PPFIA2: variants seen among roughly 807,000 people sequenced by gnomAD.
PPFIA2 encodes the protein PPFI scaffold protein A2.
A neutral mutation model predicts 175.5 loss-of-function variants in PPFIA2; 46 were observed. The ratio of observed to expected loss-of-function variants is 0.26; its 90% CI spans 0.21 to 0.34. PPFIA2 has a LOEUF of 0.34. Among genes scored for constraint, PPFIA2 ranks in the 10% least tolerant of loss-of-function variants. The pLI is 1.00. For missense variants in PPFIA2, 1,179 were observed against 1,506.1 expected (o/e 0.78, Z 3.60); for synonymous variants, 568 against 511.4 (o/e 1.11, Z -1.49).
At chr12:81,343,630 C>A (rs928056088) in intron 19 of PPFIA2, among the ~76,000 whole-genome samples, 1 of 151,980 alleles carries the variant, frequency 6.6e-6, no homozygotes, top group Admixed American at 6.6e-5. Flanking sequence ...GATTTTTGCA[C>A]TGAATAGAAG....
intron 4 of PPFIA2, among the ~76,000 whole-genome samples, chr12:81,495,636 C>G (rs1308717571): frequency 6.6e-6 from 1 of 151,900 alleles, no homozygotes; most frequent in African/African-American, 2.4e-5. Flanking sequence ...GAAACCCCAT[C>G]TCTACACAAA....
At chr12:81,444,507 T>C (rs527817619) in intron 6 of PPFIA2, among the ~76,000 whole-genome samples, 20 of 152,226 alleles carry the variant, frequency 1.3e-4, no homozygotes, top group African/African-American at 4.6e-4. Context: ...ATAATATTCA[T>C]TTCTGTTTTA....
intron 3 of PPFIA2, among the ~76,000 whole-genome samples, chr12:81,733,530 T>C (rs1289725025): frequency 1.3e-5 from 2 of 151,690 alleles, no homozygotes; most frequent in Non-Finnish European, 3.0e-5. Flanking sequence ...AAATCTTGTC[T>C]CTGACACTTA....
At chr12:81,579,703 T>C in intron 4 of PPFIA2, among the ~76,000 whole-genome samples, 1 of 151,798 alleles carries the variant, frequency 6.6e-6, no homozygotes, top group East Asian at 1.9e-4. Flanking sequence ...ATATAATTAT[T>C]TATAACTGAA....
chr12:81,491,999 GT>G (rs2059468201), intron 4 of PPFIA2, among the ~76,000 whole-genome samples: 1 of 151,888 alleles, frequency 6.6e-6, no homozygotes, highest in Admixed American at 6.6e-5. Flanking sequence ...CCTAGTTCAA[GT>G]TGTAGTACTT....
At chr12:81,277,568 A>T in intron 27 of PPFIA2, 154 bp from the exon 28 acceptor site, 1 of 815,550 alleles carries the variant, frequency 1.2e-6, no homozygotes, top group Non-Finnish European at 1.7e-6. Flanking sequence ...TATTGGAGGG[A>T]AATACATTTA....
At chr12:81,583,970 G>T (rs1050763320) in intron 4 of PPFIA2, among the ~76,000 whole-genome samples, 2 of 151,800 alleles carry the variant, frequency 1.3e-5, no homozygotes, top group African/African-American at 4.8e-5. Context: ...ACTTTTTAAA[G>T]AATAAAATTC....
chr12:81,500,357 G>C (rs753579052), intron 4 of PPFIA2, among the ~76,000 whole-genome samples: 1 of 152,108 alleles, frequency 6.6e-6, no homozygotes, highest in Non-Finnish European at 1.5e-5. Context: ...ATAGTAAAGT[G>C]CTTGGAACAC....
chr12:81,522,101 T>A (rs139587285), intron 4 of PPFIA2, among the ~76,000 whole-genome samples: 1 of 152,294 alleles, frequency 6.6e-6, no homozygotes, highest in Non-Finnish European at 1.5e-5. Flanking sequence ...AATCTATAGA[T>A]GTGAAAGAAG....
At chr12:81,429,156 A>G (rs969275106) in intron 7 of PPFIA2, among the ~76,000 whole-genome samples, 10 of 152,218 alleles carry the variant, frequency 6.6e-5, no homozygotes, top group African/African-American at 2.4e-4. Flanking sequence ...GTGGAAAATT[A>G]GAAAGTCATT....
At chr12:81,703,427 A>G (rs2153603949) in intron 3 of PPFIA2, among the ~76,000 whole-genome samples, 1 of 152,190 alleles carries the variant, frequency 6.6e-6, no homozygotes, top group African/African-American at 2.4e-5. Flanking sequence ...CCTATCCCTT[A>G]AGTAGTCCTA....
intron 24 of PPFIA2, among the ~76,000 whole-genome samples, chr12:81,290,995 G>A (rs932048551): frequency 6.6e-6 from 1 of 151,388 alleles, no homozygotes; most frequent in Non-Finnish European, 1.5e-5. Context: ...TTAATAAAAT[G>A]AAGAAAATGC....
At chr12:81,505,706 G>A (rs916283215) in intron 4 of PPFIA2, 1 of 152,188 alleles carries the variant, frequency 6.6e-6, no homozygotes, top group African/African-American at 2.4e-5. Flanking sequence ...TCTTGTACAT[G>A]TGTATGCCCT....
intron 4 of PPFIA2, among the ~76,000 whole-genome samples, chr12:81,628,562 G>A (rs7136884): frequency 0.9 from 137,293 of 151,770 alleles, 62,365 homozygotes; most frequent in East Asian, 1. Context: ...TATTTTTAAC[G>A]GAGACGGGGT....
At chr12:81,342,639 G>A (rs2058321466) in intron 19 of PPFIA2, among the ~76,000 whole-genome samples, 1 of 151,976 alleles carries the variant, frequency 6.6e-6, no homozygotes, top group African/African-American at 2.4e-5. Flanking sequence ...TTCTGATGCT[G>A]TGGAAAACCT....
intron 21 of PPFIA2, among the ~76,000 whole-genome samples, chr12:81,329,178 C>T (rs117856081): frequency 0.02 from 3,005 of 152,208 alleles, 46 homozygotes; most frequent in South Asian, 0.031. Flanking sequence ...GTTACTCATT[C>T]TTCAGGAGGT....
intron 7 of PPFIA2, among the ~76,000 whole-genome samples, chr12:81,407,543 TA>T (rs1033193225): frequency 2.1e-5 from 3 of 145,906 alleles, no homozygotes; most frequent in Non-Finnish European, 4.5e-5. Flanking sequence ...AAAATTTTGT[TA>T]AAAAAACCTA....
At chr12:81,617,943 G>A (rs775530927) in intron 4 of PPFIA2, among the ~76,000 whole-genome samples, 2 of 152,158 alleles carry the variant, frequency 1.3e-5, no homozygotes, top group Non-Finnish European at 1.5e-5. Context: ...AGAAGAAGTA[G>A]AGGTGGTGTG....
At chr12:81,708,601 CTGAT>C (rs1668301748) in intron 3 of PPFIA2, among the ~76,000 whole-genome samples, 1 of 152,052 alleles carries the variant, frequency 6.6e-6, no homozygotes, top group Non-Finnish European at 1.5e-5. Flanking sequence ...TGTCTTAAAA[CTGAT>C]TGTTACTATC....
Sources: allele counts gnomAD v4.1 joint callset (sites outside exome capture counted in the v4.1 genomes callset), GRCh38; gene constraint gnomAD v4.1.1; transcripts MANE v1.5; gene names NCBI Gene and HGNC (gene_info 2026-07-23, HGNC 2026-07-21).